The following DLGAP1 variants were observed in gnomAD, a reference collection of about 807,000 sequenced individuals.
DLGAP1 encodes DLG associated protein 1, also known as disks large-associated protein 1.
A neutral mutation model predicts 90.8 loss-of-function variants in DLGAP1; 11 were observed. That is an observed-to-expected ratio of 0.12 (90% confidence interval 0.08 to 0.20). The LOEUF is 0.20. Among genes scored for constraint, DLGAP1 ranks in the 10% least tolerant of loss-of-function variants. DLGAP1 has a pLI of 1.00. For synonymous variants in DLGAP1, 558 were observed against 540.7 expected (o/e 1.03, Z -0.44); for missense variants, 1,050 against 1,333.8 (o/e 0.79, Z 3.31).
At chr18:4,002,829 G>A (rs548247106) in intron 3 of DLGAP1, among the ~76,000 whole-genome samples, 1 of 152,270 alleles carries the variant, frequency 6.6e-6, no homozygotes, top group East Asian at 1.9e-4. Context: ...GCCCTCAACA[G>A]AGAATATGTG....
intron 9 of DLGAP1, among the ~76,000 whole-genome samples, chr18:3,546,822 G>A (rs758827500): frequency 6.6e-6 from 1 of 151,986 alleles, no homozygotes; most frequent in Non-Finnish European, 1.5e-5. Context: ...ATAGAAGAGC[G>A]AATGCAGCTC....
chr18:3,538,850 A>G (rs1232360517), intron 9 of DLGAP1, among the ~76,000 whole-genome samples: 1 of 152,226 alleles, frequency 6.6e-6, no homozygotes, highest in Non-Finnish European at 1.5e-5. Flanking sequence ...TTTTATCTAC[A>G]CAGAACTGTA....
At chr18:4,423,283 A>G (rs567585255) in intron 1 of DLGAP1, among the ~76,000 whole-genome samples, 29 of 152,342 alleles carry the variant, frequency 1.9e-4, no homozygotes, top group African/African-American at 6.7e-4. Context: ...TTCATAAAAT[A>G]AACAATGAAA....
At chr18:3,611,433 C>T (rs559995107) in intron 7 of DLGAP1, among the ~76,000 whole-genome samples, 10 of 152,276 alleles carry the variant, frequency 6.6e-5, no homozygotes, top group African/African-American at 1.2e-4. Flanking sequence ...CCACTGCACT[C>T]GCCCCAGCCC....
Position 3,727,685 on chromosome 18 carries a change from A to G in DLGAP1, c.1591+1450T>C, listed in dbSNP as rs538482405. 1 of 152,368 alleles carries G rather than the reference A, an allele frequency of 6.6e-6. No individual in the cohort carries two copies. Among genetic ancestry groups the G allele is most frequent in the East Asian group, 1.9e-4 (1 of 5,192 alleles). The allele number at this position is 152,368 out of a possible 1,614,324, so 9.4% of individuals were successfully genotyped here. On this transcript the variant is annotated intron_variant, in intron 7 of 12. Coordinates refer to ENST00000315677, the MANE Select transcript of DLGAP1 (RefSeq NM_004746.4). The surrounding 1 kb of genome is among the most constrained non-coding windows in gnomAD (Gnocchi z 4.7). Reference sequence around the variant, plus strand: ...CAAATCACACTTACTGCATGAATGCAAACACATACAAACATGCTCATGGTT... The same window carrying G: ...CAAATCACACTTACTGCATGAATGCGAACACATACAAACATGCTCATGGTT...
At chr18:4,328,923 T>C (rs1179618145) in intron 1 of DLGAP1, among the ~76,000 whole-genome samples, 1 of 152,042 alleles carries the variant, frequency 6.6e-6, no homozygotes, top group Non-Finnish European at 1.5e-5. Flanking sequence ...AGAGTTCTTA[T>C]ATCTACTAGA....
intron 7 of DLGAP1, among the ~76,000 whole-genome samples, chr18:3,680,802 A>AAAG (rs1393597315): frequency 6.6e-6 from 1 of 151,814 alleles, no homozygotes; most frequent in East Asian, 1.9e-4. Context: ...AAAAAAAAAA[A>AAAG]AAAAGGAGGA....
At chr18:3,908,777 C>T (rs751441004) in intron 3 of DLGAP1, among the ~76,000 whole-genome samples, 12 of 152,220 alleles carry the variant, frequency 7.9e-5, no homozygotes, top group East Asian at 3.9e-4. Flanking sequence ...TAGTAAACTA[C>T]GTGAAAAGTA....
intron 12 of DLGAP1, among the ~76,000 whole-genome samples, chr18:3,501,964 A>AC (rs2049962017): frequency 6.6e-6 from 1 of 151,978 alleles, no homozygotes; most frequent in African/African-American, 2.4e-5. Flanking sequence ...AAAAAAAAAA[A>AC]AAAAACCCAA....
intron 1 of DLGAP1, among the ~76,000 whole-genome samples, chr18:4,246,792 A>G (rs1598717862): frequency 6.6e-6 from 1 of 152,232 alleles, no homozygotes; most frequent in Admixed American, 6.5e-5. Flanking sequence ...GAAGCACTCA[A>G]GTCAGTTAGT....
At position 4,391,562 on chromosome 18, in the gene DLGAP1, C is replaced by T. The variant is rs184256261; in HGVS notation, c.-267+63444G>A. ...TTCTGTGGTACTGATTGGTGAAGATCCCCTTAGCTTGAAGGAAATTGAAGA... is the reference window on the plus strand; with the variant it reads ...TTCTGTGGTACTGATTGGTGAAGATTCCCTTAGCTTGAAGGAAATTGAAGA... On this transcript the variant is annotated intron_variant, in intron 1 of 12. Transcript: ENST00000315677. 1.2e-4 allele frequency among the ~76,000 whole-genome samples: 19 copies of T among 152,284 alleles called. No individual in the cohort carries two copies. In the East Asian group the frequency reaches 3.5e-3, roughly 28 times the overall value.
At chr18:3,889,190 T>C (rs1328829623) in intron 3 of DLGAP1, among the ~76,000 whole-genome samples, 1 of 152,118 alleles carries the variant, frequency 6.6e-6, no homozygotes, top group Admixed American at 6.5e-5. Context: ...AATAAACCTG[T>C]TTAATGGTAC....
At chr18:4,109,705 A>G (rs2075937612) in intron 2 of DLGAP1, among the ~76,000 whole-genome samples, 1 of 152,088 alleles carries the variant, frequency 6.6e-6, no homozygotes, top group Non-Finnish European at 1.5e-5. Context: ...AGCCTATACC[A>G]AGTTCAAAAC....
chr18:3,865,553 ATT>A (rs1252080908), intron 4 of DLGAP1, among the ~76,000 whole-genome samples: 1 of 152,238 alleles, frequency 6.6e-6, no homozygotes, highest in East Asian at 1.9e-4. Context: ...AACCATAATT[ATT>A]CATTTTTAAT....
chr18:4,005,305 T>G (rs2074278730), intron 2 of DLGAP1, 104 bp from the exon 3 acceptor site: 1 of 152,202 alleles, frequency 6.6e-6, no homozygotes, highest in Non-Finnish European at 1.5e-5. Context: ...GACTTGACCT[T>G]CTTTTGCACA....
intron 1 of DLGAP1, among the ~76,000 whole-genome samples, chr18:4,262,132 T>C (rs150239479): frequency 6.6e-6 from 1 of 152,348 alleles, no homozygotes; most frequent in East Asian, 1.9e-4. Flanking sequence ...ATTTTCATCT[T>C]TAAATGACAC....
chr18:4,445,980 C>T (rs964298935), intron 1 of DLGAP1, among the ~76,000 whole-genome samples: 1 of 152,034 alleles, frequency 6.6e-6, no homozygotes, highest in Non-Finnish European at 1.5e-5. Context: ...ACCCCTGAGG[C>T]TCCTTGTCCT....
rs187040345 is a variant in DLGAP1, at chr18:3,901,315, G to A, written c.-72-21175C>T. ...TCACACTGAGCTCTGTCCAAATCTA[G>A]TAAGGCTCTGCAATTGTCTCCTACA... On this transcript the variant is annotated intron_variant, in intron 3 of 12. Coordinates refer to ENST00000315677, the MANE Select transcript of DLGAP1 (RefSeq NM_004746.4). Among the ~76,000 whole-genome samples, 11 of 152,164 alleles carry A rather than the reference G, an allele frequency of 7.2e-5. No homozygotes were observed. In the East Asian group the frequency reaches 2.1e-3, roughly 29 times the overall value.
intron 5 of DLGAP1, among the ~76,000 whole-genome samples, chr18:3,779,794 CTT>C (rs1370282007): frequency 7.7e-6 from 1 of 130,106 alleles, no homozygotes. Context: ...TCTTTCTTTT[CTT>C]TTTTTTTTTG....
Sources: gnomAD v4.1 joint callset for allele counts (sites outside exome capture counted in the v4.1 genomes callset) on GRCh38, gnomAD v4.1.1 for gene constraint, Gnocchi (gnomAD v3.1) non-coding constraint, MANE v1.5 for transcripts, NCBI Gene and HGNC (gene_info 2026-07-23, HGNC 2026-07-21) for gene names.